Variants in UBR3 observed in about 807,000 individuals in gnomAD.
The protein encoded by UBR3 is ubiquitin protein ligase E3 component n-recognin 3.
In UBR3, 85 loss-of-function variants were observed where a neutral mutation model predicts 243.2. The observed-to-expected ratio is 0.35, with a 90% CI of 0.29 to 0.42. The LOEUF is 0.42. Among genes scored for constraint, UBR3 ranks in the 10% least tolerant of loss-of-function variants. The pLI is 1.00. For missense variants in UBR3, 1,686 were observed against 2,300.8 expected, an observed-to-expected ratio of 0.73 and a Z score of 5.47; for synonymous variants, 748 against 799.8, an observed-to-expected ratio of 0.94 and a Z score of 1.09.
chr2:169,885,353 G>T (rs912261039), intron 5 of UBR3, among the ~76,000 whole-genome samples: 3 of 152,142 alleles, frequency 2.0e-5, no homozygotes, highest in African/African-American at 4.8e-5. Flanking sequence ...AGGCCGAGGC[G>T]GGCGGATCAC....
chr2:169,840,214 G>T (rs554908077), intron 1 of UBR3, among the ~76,000 whole-genome samples: 14 of 152,326 alleles, frequency 9.2e-5, no homozygotes, highest in African/African-American at 3.4e-4. Context: ...GTATGAGCCT[G>T]AAGTTTGGCA....
At chr2:169,969,982 A>G (rs2088028121) in intron 24 of UBR3, among the ~76,000 whole-genome samples, 1 of 128,072 alleles carries the variant, frequency 7.8e-6, no homozygotes, top group Non-Finnish European at 1.6e-5. Context: ...TTGGCTATTC[A>G]GGATGTTTTG....
chr2:169,972,527 C>T (rs2088209679), intron 24 of UBR3, among the ~76,000 whole-genome samples: 1 of 151,940 alleles, frequency 6.6e-6, no homozygotes, highest in Non-Finnish European at 1.5e-5. Context: ...AAAATACTGG[C>T]AAAACGAATC....
chr2:169,884,078 C>T (rs1255060427), intron 5 of UBR3, among the ~76,000 whole-genome samples: 1 of 151,852 alleles, frequency 6.6e-6, no homozygotes, highest in Non-Finnish European at 1.5e-5. Flanking sequence ...GGTGATTCAC[C>T]CACCTTGGCC....
chr2:170,080,744 AT>A (rs1402100652), intron 38 of UBR3, 60 bp downstream of exon 38: 1 of 1,530,268 alleles, frequency 6.5e-7, no homozygotes, highest in African/African-American at 1.4e-5. Context: ...GAAAACCAAT[AT>A]GCTATTCCTG....
At chr2:169,895,413 A>C (rs993211062) in intron 7 of UBR3, 102 bp downstream of exon 7, 79 of 1,258,122 alleles carry the variant, frequency 6.3e-5, no homozygotes, top group Non-Finnish European at 8.0e-5. Flanking sequence ...GGTTGATATA[A>C]CACTATAAAC....
At chr2:169,972,565 C>T (rs1574315647) in intron 24 of UBR3, among the ~76,000 whole-genome samples, 1 of 152,150 alleles carries the variant, frequency 6.6e-6, no homozygotes, top group African/African-American at 2.4e-5. Flanking sequence ...GCTTATTCAC[C>T]ATGATCAAGT....
chr2:169,968,112 G>T (rs1015435929), intron 24 of UBR3, among the ~76,000 whole-genome samples: 2 of 151,974 alleles, frequency 1.3e-5, no homozygotes, highest in Non-Finnish European at 2.9e-5. Context: ...TATTTATGAG[G>T]CACATGTGAT....
intron 35 of UBR3, among the ~76,000 whole-genome samples, chr2:170,063,850 A>T (rs536253180): frequency 6.6e-6 from 1 of 152,180 alleles, no homozygotes; most frequent in Admixed American, 6.5e-5. Context: ...TAATATAAAG[A>T]TTTCTTTAAT....
Position 170,073,421 on chromosome 2 carries a change from C to G in UBR3, c.5020-7C>G, listed in dbSNP as rs1487828177. 1.2e-6 allele frequency: 2 copies of G among 1,613,042 alleles called. No homozygotes were observed. Among genetic ancestry groups the G allele is most frequent in the African/African-American group, 2.7e-5 (2 of 74,866 alleles). On this transcript the variant is annotated splice_polypyrimidine_tract_variant and splice_region_variant and intron_variant, in intron 35 of 38. Coordinates refer to ENST00000272793, the MANE Select transcript of UBR3 (RefSeq NM_172070.4). ...ATTTTCAGAATTTCCTATTTCATGT[C>G]TAAAAGGAAGAAGAAGAATTTTCAG... is the stretch of plus-strand genomic sequence containing the variant.
At chr2:170,042,804 A>G (rs1323094531) in intron 32 of UBR3, among the ~76,000 whole-genome samples, 1 of 149,830 alleles carries the variant, frequency 6.7e-6, no homozygotes, top group Non-Finnish European at 1.5e-5. Context: ...TCAGGTAATT[A>G]TATATTTAAC....
intron 23 of UBR3, among the ~76,000 whole-genome samples, chr2:169,957,435 C>T (rs929177662): frequency 3.9e-5 from 6 of 151,950 alleles, no homozygotes; most frequent in Admixed American, 1.3e-4. Flanking sequence ...AGCTGGAAAC[C>T]GTCATTCTGA....
chr2:170,073,695 C>A, intron 36 of UBR3, 88 bp downstream of exon 36: 2 of 1,333,570 alleles, frequency 1.5e-6, no homozygotes, highest in South Asian at 1.5e-5. Context: ...TTTAGGTCAT[C>A]TGTTTTTGAC....
At chr2:169,952,231 G>T (rs2087066066) in intron 23 of UBR3, among the ~76,000 whole-genome samples, 1 of 152,182 alleles carries the variant, frequency 6.6e-6, no homozygotes, top group South Asian at 2.1e-4. Flanking sequence ...GGATGGCTGA[G>T]CAGAGTAAGA....
chr2:169,905,937 A>G, intron 9 of UBR3, 94 bp from the exon 10 acceptor site: 2 of 1,366,116 alleles, frequency 1.5e-6, no homozygotes, highest in South Asian at 1.5e-5. Context: ...ATTTGTGTGC[A>G]TAAATGTGTT....
intron 8 of UBR3, 89 bp downstream of exon 8, chr2:169,896,824 CTAA>C (rs1457716707): frequency 5.7e-6 from 5 of 873,172 alleles, no homozygotes; most frequent in East Asian, 2.9e-5. Flanking sequence ...AGTAATATTA[CTAA>C]TAATGATACT....
chr2:169,968,680 AT>A (rs1480859139), intron 24 of UBR3, among the ~76,000 whole-genome samples: 8 of 151,916 alleles, frequency 5.3e-5, no homozygotes, highest in Admixed American at 5.2e-4. Flanking sequence ...CAATATACTG[AT>A]TTCTTTTCTT....
intron 21 of UBR3, among the ~76,000 whole-genome samples, chr2:169,946,608 C>T (rs955454714): frequency 1.3e-5 from 2 of 151,952 alleles, no homozygotes; most frequent in African/African-American, 4.8e-5. Flanking sequence ...TCTTCAAATA[C>T]GTACAGTTTT....
chr2:170,058,155 CTTCCTTCTTTACGTCTTCTCTCACCCCT>C (rs2091378132), intron 33 of UBR3, among the ~76,000 whole-genome samples: 1 of 152,034 alleles, frequency 6.6e-6, no homozygotes, highest in Admixed American at 6.6e-5. Flanking sequence ...TATTTTTTCA[CTTCCTTCTTTACGTCTTCTCTCACCCCT>C]TTCCTTCCTT....
Sources: allele counts gnomAD v4.1 joint callset (sites outside exome capture counted in the v4.1 genomes callset), GRCh38; gene constraint gnomAD v4.1.1; transcripts MANE v1.5; gene names NCBI Gene and HGNC (gene_info 2026-07-23, HGNC 2026-07-21).